Variants in DLC1 observed in about 807,000 individuals in gnomAD.
The protein encoded by DLC1 is rho GTPase-activating protein 7.
Under a neutral mutation model 140.3 loss-of-function variants are expected in DLC1, and 54 were observed. The ratio of observed to expected loss-of-function variants is 0.38; its 90% confidence interval spans 0.31 to 0.48. The LOEUF is 0.48. Among genes scored for constraint, DLC1 ranks in the 20% least tolerant of loss-of-function variants. The pLI is 0.96. For synonymous variants in DLC1, 986 were observed against 728.1 expected (o/e 1.35, Z -5.70); for missense variants, 2,536 against 1,907.0 (o/e 1.33, Z -6.14).
intron 5 of DLC1, among the ~76,000 whole-genome samples, chr8:13,279,897 T>C: frequency 6.6e-6 from 1 of 152,072 alleles, no homozygotes; most frequent in East Asian, 1.9e-4. Flanking sequence ...GAATAGTTTG[T>C]GATAATTAGT....
At chr8:13,154,776 T>G (rs1264448792) in intron 5 of DLC1, among the ~76,000 whole-genome samples, 1 of 152,208 alleles carries the variant, frequency 6.6e-6, no homozygotes. Context: ...CACACTCATA[T>G]TTAATGTAAA....
chr8:13,554,516 T>C (rs1412432438), intron 1 of DLC1, among the ~76,000 whole-genome samples: 1 of 152,190 alleles, frequency 6.6e-6, no homozygotes, highest in African/African-American at 2.4e-5. Context: ...ACTTCCAGGT[T>C]TTCCCTCCAA....
chr8:13,315,814 C>A (rs1343486161), intron 4 of DLC1, among the ~76,000 whole-genome samples: 1 of 152,170 alleles, frequency 6.6e-6, no homozygotes, highest in Admixed American at 6.5e-5. Flanking sequence ...TTTCACAGAT[C>A]TCTTGATCAG....
At chr8:13,479,887 GAAAA>G (rs1312388819) in intron 2 of DLC1, among the ~76,000 whole-genome samples, 558 of 30,002 alleles carry the variant, frequency 0.019, 11 homozygotes, top group African/African-American at 0.039. Context: ...AAGAAAGAAA[GAAAA>G]AGAAAGAAAG....
intron 5 of DLC1, among the ~76,000 whole-genome samples, chr8:13,281,212 AT>A (rs1831354437): frequency 6.6e-6 from 1 of 152,166 alleles, no homozygotes; most frequent in Non-Finnish European, 1.5e-5. Flanking sequence ...GCAACTGGCA[AT>A]TTTACTTGTT....
At chr8:13,561,883 A>T (rs1195455925) in intron 1 of DLC1, among the ~76,000 whole-genome samples, 1 of 152,246 alleles carries the variant, frequency 6.6e-6, no homozygotes, top group East Asian at 1.9e-4. Flanking sequence ...AAGAAATTAG[A>T]TATCAAAGAC....
intron 5 of DLC1, among the ~76,000 whole-genome samples, chr8:13,280,287 C>CAAAAAAA (rs55791933): frequency 6.3e-3 from 410 of 64,906 alleles, no homozygotes; most frequent in Non-Finnish European, 7.6e-3. Context: ...GACTCCATCT[C>CAAAAAAA]AAAAAAAAAA....
Position 13,499,483 on chromosome 8 carries a change from T to A in DLC1, c.589A>T (p.Ile197Leu). Residue 197 changes from isoleucine (I) to leucine (L), a missense_variant, in exon 2 of 18, where the codon ATA becomes TTA. Ile to Leu is a conservative substitution (Grantham distance 5). Coordinates refer to ENST00000276297, the MANE Select transcript of DLC1 (RefSeq NM_182643.3). ...GCATCTTTTATTTCACTTAAGCTTATTTCATTGCAAAGCTCCAGGCTTTTA... is the reference window on the plus strand; with the variant it reads ...GCATCTTTTATTTCACTTAAGCTTAATTCATTGCAAAGCTCCAGGCTTTTA... ...ISKSLELCNE[I>L]SLSEIKDAPK... The A allele has an allele frequency of 6.2e-7, 1 of 1,614,182 alleles. No individual in the cohort carries two copies.
intron 1 of DLC1, among the ~76,000 whole-genome samples, chr8:13,591,027 A>G (rs1805498303): frequency 6.6e-6 from 1 of 152,096 alleles, no homozygotes; most frequent in Admixed American, 6.6e-5. Flanking sequence ...TTGACATTGA[A>G]CATAAGGAAT....
chr8:13,105,761 T>C (rs1336682555), intron 7 of DLC1, among the ~76,000 whole-genome samples: 2 of 151,996 alleles, frequency 1.3e-5, no homozygotes, highest in Admixed American at 6.6e-5. Flanking sequence ...GTATTTTTAG[T>C]AGAAGTGGGG....
intron 4 of DLC1, among the ~76,000 whole-genome samples, chr8:13,390,790 A>G (rs1437521253): frequency 6.6e-6 from 1 of 152,094 alleles, no homozygotes; most frequent in African/African-American, 2.4e-5. Flanking sequence ...GATCAAGACC[A>G]TCTTGGCTAA....
intron 5 of DLC1, among the ~76,000 whole-genome samples, chr8:13,135,477 G>T (rs557679587): frequency 6.6e-6 from 1 of 152,204 alleles, no homozygotes; most frequent in South Asian, 2.1e-4. Context: ...CACCGCGCCC[G>T]GTCGAGAAGC....
intron 5 of DLC1, among the ~76,000 whole-genome samples, chr8:13,196,940 T>G (rs1827096647): frequency 6.6e-6 from 1 of 152,252 alleles, no homozygotes; most frequent in African/African-American, 2.4e-5. Context: ...AGTTTATTTT[T>G]TCTTGACTTG....
chr8:13,547,889 G>A (rs1297734410), intron 1 of DLC1, among the ~76,000 whole-genome samples: 1 of 1,346 alleles, frequency 7.4e-4, no homozygotes, highest in Non-Finnish European at 1.4e-3. Flanking sequence ...TCCTTTCTTG[G>A]AATCTCTCTT....
At chr8:13,393,496 A>T in intron 4 of DLC1, 57 bp downstream of exon 4, 1 of 1,544,774 alleles carries the variant, frequency 6.5e-7, no homozygotes, top group Admixed American at 1.9e-5. Flanking sequence ...ATCAACTCTT[A>T]CCTGATGATC....
intron 5 of DLC1, among the ~76,000 whole-genome samples, chr8:13,303,535 C>T (rs534851143): frequency 6.6e-6 from 1 of 152,172 alleles, no homozygotes; most frequent in South Asian, 2.1e-4. Flanking sequence ...ATGCCAGGTG[C>T]TCACACCTGT....
chr8:13,569,787 TTACTGCTTACTGCAGCC>T (rs1804582661), intron 1 of DLC1, among the ~76,000 whole-genome samples: 1 of 152,236 alleles, frequency 6.6e-6, no homozygotes, highest in Middle Eastern at 3.2e-3. Flanking sequence ...AGTGGTGCAA[TTACTGCTTACTGCAGCC>T]TCAACCTCTA....
intron 2 of DLC1, among the ~76,000 whole-genome samples, chr8:13,474,451 C>G (rs1800350818): frequency 6.6e-6 from 1 of 152,106 alleles, no homozygotes; most frequent in Non-Finnish European, 1.5e-5. Context: ...GGTCAGAACC[C>G]CCAAGTAGAG....
intron 1 of DLC1, among the ~76,000 whole-genome samples, chr8:13,508,488 G>A (rs1312646426): frequency 1.3e-5 from 2 of 150,668 alleles, no homozygotes; most frequent in African/African-American, 4.9e-5. Context: ...CGCGATCTGG[G>A]CTCACTGCAA....
Sources: allele counts gnomAD v4.1 joint callset (sites outside exome capture counted in the v4.1 genomes callset), GRCh38; gene constraint gnomAD v4.1.1; transcripts MANE v1.5; gene names NCBI Gene and HGNC (gene_info 2026-07-23, HGNC 2026-07-21).